Variants in SYNPR observed in about 807,000 individuals in gnomAD.
SYNPR encodes the protein synaptoporin.
Under a neutral mutation model 32.9 loss-of-function variants are expected in SYNPR, and 23 were observed. The ratio of observed to expected loss-of-function variants is 0.70; its 90% confidence interval spans 0.50 to 0.99. SYNPR has a LOEUF of 0.99. SYNPR is among the 50% of genes least tolerant of loss of function. The pLI is 0.00. For missense variants in SYNPR, 318 were observed against 349.3 expected, an observed-to-expected ratio of 0.91 and a Z score of 0.71; for synonymous variants, 146 against 135.9, an observed-to-expected ratio of 1.07 and a Z score of -0.52.
At chr3:63,594,418 C>T (rs1699897188) in intron 4 of SYNPR, among the ~76,000 whole-genome samples, 1 of 152,120 alleles carries the variant, frequency 6.6e-6, no homozygotes, top group Non-Finnish European at 1.5e-5. Context: ...GTGTCTGATA[C>T]ATAGTAACAG....
intron 2 of SYNPR, among the ~76,000 whole-genome samples, chr3:63,325,730 C>T (rs941955346): frequency 3.9e-5 from 6 of 152,022 alleles, no homozygotes; most frequent in African/African-American, 1.2e-4. Context: ...AATGTCTGTC[C>T]TCCCATCATT....
At chr3:63,519,093 G>A (rs1293625915) in intron 3 of SYNPR, among the ~76,000 whole-genome samples, 2 of 152,128 alleles carry the variant, frequency 1.3e-5, no homozygotes, top group Non-Finnish European at 2.9e-5. Context: ...AACTAACCTT[G>A]CATCCCAGGA....
At chr3:63,607,057 G>A (rs1449147275) in intron 4 of SYNPR, among the ~76,000 whole-genome samples, 1 of 152,132 alleles carries the variant, frequency 6.6e-6, no homozygotes, top group African/African-American at 2.4e-5. Flanking sequence ...GTCTTCACAT[G>A]ACTATTCTTT....
chr3:63,445,462 A>C, intron 2 of SYNPR: 1 of 662,814 alleles, frequency 1.5e-6, no homozygotes, highest in Admixed American at 2.3e-5. Flanking sequence ...ATCTCTTCCA[A>C]GCATTAAAGA....
intron 2 of SYNPR, among the ~76,000 whole-genome samples, chr3:63,423,258 A>G (rs533620076): frequency 6.6e-6 from 1 of 152,328 alleles, no homozygotes; most frequent in East Asian, 1.9e-4. Flanking sequence ...GCAAGTATGG[A>G]AAACATTAGT....
chr3:63,339,634 G>C (rs2087337885), intron 2 of SYNPR, among the ~76,000 whole-genome samples: 1 of 151,590 alleles, frequency 6.6e-6, no homozygotes, highest in Non-Finnish European at 1.5e-5. Context: ...TCAAGATAAA[G>C]AATAGCTCCA....
intron 2 of SYNPR, among the ~76,000 whole-genome samples, chr3:63,309,983 C>T (rs2086947121): frequency 6.6e-6 from 1 of 151,676 alleles, no homozygotes; most frequent in African/African-American, 2.4e-5. Context: ...TATTTAAAGC[C>T]CTCTTCTGTG....
chr3:63,407,605 C>T (rs552509876), intron 2 of SYNPR, among the ~76,000 whole-genome samples: 1 of 152,130 alleles, frequency 6.6e-6, no homozygotes, highest in Non-Finnish European at 1.5e-5. Flanking sequence ...TAATATCATA[C>T]AAGTTAAATG....
intron 3 of SYNPR, among the ~76,000 whole-genome samples, chr3:63,507,446 T>C (rs892467548): frequency 3.3e-5 from 5 of 152,176 alleles, no homozygotes; most frequent in South Asian, 4.1e-4. Context: ...GAAGTACTCA[T>C]ATGTTCCGAG....
At chr3:63,547,686 A>G (rs554854595) in intron 3 of SYNPR, among the ~76,000 whole-genome samples, 26 of 152,288 alleles carry the variant, frequency 1.7e-4, no homozygotes, top group African/African-American at 5.5e-4. Context: ...AAAAGCCCTC[A>G]ATGGTGCAAG....
chr3:63,298,359 C>T (rs1024281842), intron 2 of SYNPR, among the ~76,000 whole-genome samples: 1 of 152,078 alleles, frequency 6.6e-6, no homozygotes, highest in Non-Finnish European at 1.5e-5. Context: ...TATACATCAC[C>T]TTACTTTGAA....
chr3:63,367,429 G>A (rs949913358), intron 2 of SYNPR, among the ~76,000 whole-genome samples: 4 of 151,588 alleles, frequency 2.6e-5, no homozygotes, highest in African/African-American at 4.9e-5. Context: ...CTGCGATCTC[G>A]GGTTACTGCA....
intron 1 of SYNPR, among the ~76,000 whole-genome samples, chr3:63,238,665 G>A (rs2086215991): frequency 1.3e-5 from 2 of 152,108 alleles, no homozygotes; most frequent in African/African-American, 4.8e-5. Context: ...AAAATAAGAA[G>A]AGATCTGACA....
chr3:63,476,311 G>GGAAGGAA (rs1278694274), intron 2 of SYNPR, among the ~76,000 whole-genome samples: 3,513 of 77,492 alleles, frequency 0.045, 225 homozygotes, highest in Non-Finnish European at 0.055. Flanking sequence ...AGGAAGGGAA[G>GGAAGGAA]GGAGGGAAGC....
At chr3:63,450,536 C>G (rs1469811888) in intron 2 of SYNPR, among the ~76,000 whole-genome samples, 1 of 152,104 alleles carries the variant, frequency 6.6e-6, no homozygotes, top group Non-Finnish European at 1.5e-5. Context: ...GGATCTGGCT[C>G]AAATCAGAAA....
intron 2 of SYNPR, among the ~76,000 whole-genome samples, chr3:63,253,569 C>T (rs2086355995): frequency 6.6e-6 from 1 of 152,106 alleles, no homozygotes; most frequent in African/African-American, 2.4e-5. Flanking sequence ...TGAAAAAATG[C>T]TTATCATCAC....
chr3:63,374,998 A>G (rs1575615073), intron 2 of SYNPR, among the ~76,000 whole-genome samples: 1 of 152,224 alleles, frequency 6.6e-6, no homozygotes, highest in Non-Finnish European at 1.5e-5. Context: ...TCATCAGAGA[A>G]ATGCAAATCA....
At chr3:63,346,289 A>G (rs1199793233) in intron 2 of SYNPR, among the ~76,000 whole-genome samples, 1 of 152,156 alleles carries the variant, frequency 6.6e-6, no homozygotes, top group Non-Finnish European at 1.5e-5. Flanking sequence ...ACACAATCAT[A>G]TACTATTATG....
intron 2 of SYNPR, among the ~76,000 whole-genome samples, chr3:63,352,755 G>A (rs1269533536): frequency 2.6e-5 from 4 of 152,136 alleles, no homozygotes; most frequent in South Asian, 4.1e-4. Context: ...TCACAATCAC[G>A]GGGGAAGACA....
Sources: gnomAD v4.1 joint callset for allele counts (sites outside exome capture counted in the v4.1 genomes callset) on GRCh38, gnomAD v4.1.1 for gene constraint, MANE v1.5 for transcripts, NCBI Gene and HGNC (gene_info 2026-07-23, HGNC 2026-07-21) for gene names.